XKR4: variants seen among roughly 807,000 people sequenced by gnomAD.
XKR4 encodes XK-related protein 4.
A neutral mutation model predicts 53.9 loss-of-function variants in XKR4; 12 were observed. The ratio of observed to expected loss-of-function variants is 0.22; its 90% CI spans 0.14 to 0.36. The LOEUF (loss-of-function observed/expected upper bound fraction) is 0.36. Among genes scored for constraint, XKR4 ranks in the 10% least tolerant of loss-of-function variants. The pLI, the probability that XKR4 is intolerant of heterozygous loss-of-function variation, is 1.00. For synonymous variants in XKR4, 354 were observed against 362.4 expected (o/e 0.98, Z 0.26); for missense variants, 799 against 859.5 (o/e 0.93, Z 0.88).
At chr8:55,333,707 A>G (rs562266569) in intron 1 of XKR4, among the ~76,000 whole-genome samples, 1 of 152,188 alleles carries the variant, frequency 6.6e-6, no homozygotes, top group East Asian at 1.9e-4. Context: ...CTGAGTGCTG[A>G]GTTAGGTGAC....
At chr8:55,455,135 G>C in intron 2 of XKR4, 1 of 613,926 alleles carries the variant, frequency 1.6e-6, no homozygotes, top group East Asian at 3.0e-5. Flanking sequence ...TGTGATCCGC[G>C]CCATGGGGAG....
At chr8:55,312,894 GTGGA>G (rs1241810784) in intron 1 of XKR4, among the ~76,000 whole-genome samples, 1 of 152,180 alleles carries the variant, frequency 6.6e-6, no homozygotes, top group African/African-American at 2.4e-5. Flanking sequence ...CCAGGTTGTT[GTGGA>G]TCTTAGATGT....
At chr8:55,158,084 A>G (rs1343814411) in intron 1 of XKR4, among the ~76,000 whole-genome samples, 1 of 152,194 alleles carries the variant, frequency 6.6e-6, no homozygotes, top group Non-Finnish European at 1.5e-5. Flanking sequence ...TTCTTTGAGA[A>G]ATCACCCAAC....
intron 1 of XKR4, among the ~76,000 whole-genome samples, chr8:55,193,983 C>A (rs964040985): frequency 1.3e-5 from 2 of 152,186 alleles, no homozygotes; most frequent in Middle Eastern, 3.2e-3. Context: ...TGGGGCCCTG[C>A]CGTAGCCTTC....
chr8:55,244,221 C>T (rs1818251429), intron 1 of XKR4, among the ~76,000 whole-genome samples: 1 of 152,172 alleles, frequency 6.6e-6, no homozygotes, highest in Non-Finnish European at 1.5e-5. Flanking sequence ...CTCCTCTCAC[C>T]CTCCAGCCTC....
chr8:55,238,544 G>A (rs901016426), intron 1 of XKR4, among the ~76,000 whole-genome samples: 1 of 152,126 alleles, frequency 6.6e-6, no homozygotes, highest in African/African-American at 2.4e-5. Context: ...CCCTGACCTG[G>A]AGTTACACAT....
chr8:55,481,749 A>G (rs1302773404), intron 2 of XKR4, among the ~76,000 whole-genome samples: 1 of 152,020 alleles, frequency 6.6e-6, no homozygotes, highest in South Asian at 2.1e-4. Context: ...ATGAACACAC[A>G]CTTCTCAAAA....
rs1291805200 is a variant in XKR4 at position 55,526,665 on chromosome 8, T to A, written c.*2438T>A. ...GAGTTTCTCAGTTGAACTGTACCTTTGATTCTATGAGTAAATCACAGATTA... is the reference window on the plus strand; with the variant it reads ...GAGTTTCTCAGTTGAACTGTACCTTAGATTCTATGAGTAAATCACAGATTA... On this transcript the variant is annotated 3_prime_UTR_variant, in exon 3 of 3. Transcript: ENST00000327381. The A allele has an allele frequency of 6.6e-6, 1 of 152,240 alleles. No individual in the cohort carries two copies. The highest frequency in any genetic ancestry group is 1.9e-4 in the East Asian group (1 of 5,202). 9.4% of individuals were successfully genotyped at this position (152,240 alleles called of 1,614,324 possible).
chr8:55,375,060 A>C (rs1804127579), intron 2 of XKR4, among the ~76,000 whole-genome samples: 1 of 152,196 alleles, frequency 6.6e-6, no homozygotes. Context: ...CCTGTGCTCC[A>C]AGTTCCATCC....
intron 2 of XKR4, among the ~76,000 whole-genome samples, chr8:55,443,911 C>T (rs1333772346): frequency 1.3e-5 from 2 of 151,810 alleles, no homozygotes; most frequent in Non-Finnish European, 2.9e-5. Context: ...GGGCTCACAC[C>T]TGTAATTCCA....
chr8:55,209,648 T>C (rs1022468843), intron 1 of XKR4, among the ~76,000 whole-genome samples: 1 of 152,160 alleles, frequency 6.6e-6, no homozygotes. Context: ...TTGTGGTCCA[T>C]GTCCCACACA....
At chr8:55,373,679 A>G (rs958878393) in intron 2 of XKR4, among the ~76,000 whole-genome samples, 2 of 152,228 alleles carry the variant, frequency 1.3e-5, no homozygotes, top group African/African-American at 2.4e-5. Context: ...CTATGATGTC[A>G]ATGGAAAACA....
intron 1 of XKR4, among the ~76,000 whole-genome samples, chr8:55,112,562 G>GTTTTTTTTTTTTTTTTT: frequency 2.6e-5 from 2 of 77,212 alleles, no homozygotes; most frequent in African/African-American, 5.2e-5. Flanking sequence ...TACTTTTCAG[G>GTTTTTTTTTTTTTTTTT]TTTTTTTTTT....
chr8:55,151,473 G>C (rs1816839074), intron 1 of XKR4, among the ~76,000 whole-genome samples: 1 of 152,150 alleles, frequency 6.6e-6, no homozygotes, highest in African/African-American at 2.4e-5. Context: ...CAGTGAATAA[G>C]CTGCACATAG....
intron 2 of XKR4, among the ~76,000 whole-genome samples, chr8:55,459,529 T>C (rs916678794): frequency 2.0e-5 from 3 of 152,064 alleles, no homozygotes; most frequent in Non-Finnish European, 2.9e-5. Context: ...ATAACATATC[T>C]AATAAAGGAC....
intron 1 of XKR4, among the ~76,000 whole-genome samples, chr8:55,209,203 A>ATGTGTGTGTGTG (rs77094773): frequency 0.033 from 4,850 of 149,204 alleles, 132 homozygotes; most frequent in African/African-American, 0.077. Flanking sequence ...CAGTGTGTTT[A>ATGTGTGTGTGTG]TGTGTGTGTG....
chr8:55,233,710 T>C lies in XKR4; in HGVS notation c.807-123968T>C, dbSNP rs530382891. Among the ~76,000 whole-genome samples, 14 of 152,388 alleles carry C rather than the reference T, an allele frequency of 9.2e-5. No homozygotes were observed. In the East Asian group the frequency reaches 1.3e-3, roughly 15 times the overall value. The stretch of plus-strand genomic sequence containing the variant: ...TGATTTTAAGGAAAATGCAAAATCA[T>C]GAAGTCTGACATTTTCGGGAACTTT... On this transcript the variant is annotated intron_variant, in intron 1 of 2. Transcript: ENST00000327381.
At chr8:55,404,568 G>T (rs1176979277) in intron 2 of XKR4, among the ~76,000 whole-genome samples, 1 of 152,212 alleles carries the variant, frequency 6.6e-6, no homozygotes, top group Non-Finnish European at 1.5e-5. Flanking sequence ...ACTACAGAAA[G>T]ATCGTTGTGT....
rs536522954 is a variant in XKR4, at chr8:55,181,656, G to T, written c.806+78362G>T. Among the ~76,000 whole-genome samples the T allele has an allele frequency of 3.3e-5, 5 of 152,196 alleles. No individual in the cohort carries two copies. The East Asian group carries it at 9.7e-4, about 29-fold the overall frequency. On this transcript the variant is annotated intron_variant, in intron 1 of 2. Transcript: ENST00000327381. ...ATTAGAAGCCTGCTGCATCCCTGCA[G>T]GCAGGAGATGATGACAGTGACTTTG... is the stretch of plus-strand genomic sequence containing the variant.
Sources: gnomAD v4.1 joint callset for allele counts (sites outside exome capture counted in the v4.1 genomes callset) on GRCh38, gnomAD v4.1.1 for gene constraint, MANE v1.5 for transcripts, NCBI Gene and HGNC (gene_info 2026-07-23, HGNC 2026-07-21) for gene names.